The following LYPLA1 variants were observed in gnomAD, a reference collection of about 807,000 sequenced individuals.
LYPLA1 encodes the protein acyl-protein thioesterase 1.
Under a neutral mutation model 34.0 loss-of-function variants are expected in LYPLA1, and 17 were observed. That is an observed-to-expected ratio of 0.50 (90% CI 0.34 to 0.75). The LOEUF (loss-of-function observed/expected upper bound fraction) is 0.75, where lower values mean the gene tolerates loss of function less well. Ranked by LOEUF, LYPLA1 falls within the 30% of genes least tolerant of loss-of-function variation. The probability of loss-of-function intolerance (pLI) is 0.01; values close to 1 mark genes in which losing one functional copy is unlikely to be tolerated. For missense variants in LYPLA1, 203 were observed against 288.8 expected (o/e 0.70, Z 2.15); for synonymous variants, 98 against 100.8 (o/e 0.97, Z 0.17).
intron 2 of LYPLA1, among the ~76,000 whole-genome samples, chr8:54,087,744 C>T (rs1211711649): frequency 1.3e-5 from 2 of 152,110 alleles, no homozygotes; most frequent in African/African-American, 4.8e-5. Context: ...ATGCAAATGG[C>T]CAATAAGGAT....
intron 2 of LYPLA1, among the ~76,000 whole-genome samples, chr8:54,083,780 C>T (rs1449175597): frequency 1.3e-5 from 2 of 152,136 alleles, no homozygotes. Context: ...AGCGAAAATG[C>T]ATAGGATGCA....
chr8:54,074,204 G>A (rs1211189487), intron 2 of LYPLA1, among the ~76,000 whole-genome samples: 1 of 152,200 alleles, frequency 6.6e-6, no homozygotes, highest in East Asian at 1.9e-4. Context: ...AACCCGGGAG[G>A]CAGAGCTTGC....
In LYPLA1 at chr8:54,052,058, C is replaced by T. The variant is rs551055598; in HGVS notation, c.462+597G>A. 7.9e-5 allele frequency among the ~76,000 whole-genome samples: 12 copies of T among 151,678 alleles called. No individual in the cohort carries two copies. In the East Asian group the frequency reaches 2.4e-3, roughly 30 times the overall value. On this transcript the variant is annotated intron_variant, in intron 7 of 8. Transcript: ENST00000316963. ...TAGCCATGGGGTTTCACCATGTTGG[C>T]CAGGCTGGTCTTGAACTCCTGACCT...
intron 2 of LYPLA1, among the ~76,000 whole-genome samples, chr8:54,091,547 AAAAG>A (rs1445348470): frequency 3.0e-4 from 43 of 142,718 alleles, no homozygotes; most frequent in African/African-American, 1.0e-3. Context: ...AAAAGAAAAG[AAAAG>A]AAGAAAGGAA....
chr8:54,052,897 T>C (rs1354577879), intron 6 of LYPLA1, 141 bp from the exon 7 acceptor site: 5 of 607,174 alleles, frequency 8.2e-6, no homozygotes, highest in South Asian at 4.0e-5. Flanking sequence ...ATATCGGAAA[T>C]ACAAACACAC....
At chr8:54,090,561 T>A (rs910327135) in intron 2 of LYPLA1, among the ~76,000 whole-genome samples, 3 of 152,148 alleles carry the variant, frequency 2.0e-5, no homozygotes, top group Non-Finnish European at 4.4e-5. Context: ...TGACCCTAAA[T>A]CCCTCACTAA....
chr8:54,072,914 G>A (rs1326523044), intron 2 of LYPLA1, among the ~76,000 whole-genome samples: 3 of 146,838 alleles, frequency 2.0e-5, no homozygotes, highest in Non-Finnish European at 4.5e-5. Context: ...CTCCAGCTTG[G>A]CGACAGAGCA....
chr8:54,082,883 C>T (rs1052348530), intron 2 of LYPLA1, among the ~76,000 whole-genome samples: 1 of 152,120 alleles, frequency 6.6e-6, no homozygotes, highest in Non-Finnish European at 1.5e-5. Context: ...CCCGCCACTA[C>T]GCCTGGCTAA....
intron 2 of LYPLA1, among the ~76,000 whole-genome samples, chr8:54,079,741 A>G (rs7011379): frequency 0.33 from 50,711 of 151,882 alleles, 11,333 homozygotes; most frequent in East Asian, 0.74. Context: ...GGTGCGGTAA[A>G]CGGAGATCAC....
intron 2 of LYPLA1, among the ~76,000 whole-genome samples, chr8:54,084,176 T>C (rs1251167549): frequency 1.6e-5 from 2 of 121,786 alleles, no homozygotes; most frequent in Non-Finnish European, 3.3e-5. Flanking sequence ...AATAAAGACC[T>C]CAAATTAACA....
intron 2 of LYPLA1, among the ~76,000 whole-genome samples, chr8:54,090,556 C>G (rs1265580137): frequency 6.6e-6 from 1 of 152,090 alleles, no homozygotes; most frequent in East Asian, 1.9e-4. Context: ...TCAAATGACC[C>G]TAAATCCCTC....
intron 2 of LYPLA1, among the ~76,000 whole-genome samples, chr8:54,071,907 A>C (rs542578478): frequency 6.8e-4 from 104 of 152,328 alleles, no homozygotes; most frequent in African/African-American, 2.3e-3. Context: ...ATGGAACCAA[A>C]AAAAGAGCCC....
intron 2 of LYPLA1, among the ~76,000 whole-genome samples, chr8:54,090,086 C>G (rs1375089320): frequency 6.6e-6 from 1 of 152,226 alleles, no homozygotes; most frequent in East Asian, 1.9e-4. Context: ...AGATTCCTAT[C>G]CCAGAAAAGC....
chr8:54,062,104 C>T (rs974213449), intron 5 of LYPLA1, 150 bp downstream of exon 5: 5 of 551,874 alleles, frequency 9.1e-6, no homozygotes, highest in East Asian at 3.7e-5. Flanking sequence ...GTGACCCACC[C>T]GCCTCTACTT....
At chr8:54,069,483 G>T (rs1266930746) in intron 2 of LYPLA1, among the ~76,000 whole-genome samples, 1 of 152,142 alleles carries the variant, frequency 6.6e-6, no homozygotes, top group Non-Finnish European at 1.5e-5. Context: ...GGAGGCCAAG[G>T]CGGGCAGATC....
At chr8:54,067,873 G>C (rs1290416672) in intron 2 of LYPLA1, among the ~76,000 whole-genome samples, 1 of 151,732 alleles carries the variant, frequency 6.6e-6, no homozygotes, top group Non-Finnish European at 1.5e-5. Context: ...ATTTTTAGTA[G>C]AGACGGGGTT....
intron 2 of LYPLA1, among the ~76,000 whole-genome samples, chr8:54,082,588 G>A (rs1346700818): frequency 6.6e-6 from 1 of 152,228 alleles, no homozygotes; most frequent in Non-Finnish European, 1.5e-5. Flanking sequence ...CAAAGTGTTT[G>A]AATTAAAGGT....
intron 5 of LYPLA1, among the ~76,000 whole-genome samples, chr8:54,055,480 T>C (rs1322459682): frequency 6.6e-6 from 1 of 151,894 alleles, no homozygotes; most frequent in Non-Finnish European, 1.5e-5. Flanking sequence ...TGGTCATGGA[T>C]AAGAAGAACC....
At chr8:54,101,628 C>G (rs1346041162) in intron 1 of LYPLA1, 127 bp downstream of exon 1, 2 of 1,149,712 alleles carry the variant, frequency 1.7e-6, no homozygotes, top group African/African-American at 3.3e-5. Context: ...ATTCGCACCC[C>G]ACCCGGGCCG....
Sources: gnomAD v4.1 joint callset for allele counts (sites outside exome capture counted in the v4.1 genomes callset) on GRCh38, gnomAD v4.1.1 for gene constraint, MANE v1.5 for transcripts, NCBI Gene and HGNC (gene_info 2026-07-23, HGNC 2026-07-21) for gene names.